KAT2B: variants seen among roughly 807,000 people sequenced by gnomAD.
KAT2B encodes lysine acetyltransferase 2B.
In KAT2B, 36 loss-of-function variants were observed where a neutral mutation model predicts 105.9. The observed-to-expected ratio is 0.34, with a 90% confidence interval of 0.26 to 0.45. The LOEUF is 0.45. Among genes scored for constraint, KAT2B ranks in the 20% least tolerant of loss-of-function variants. The pLI is 1.00. For missense variants in KAT2B, 820 were observed against 1,021.6 expected (o/e 0.80, Z 2.69); for synonymous variants, 397 against 377.9 (o/e 1.05, Z -0.59).
intron 2 of KAT2B, among the ~76,000 whole-genome samples, chr3:20,094,808 C>T (rs1036486579): frequency 5.3e-5 from 8 of 152,122 alleles, no homozygotes; most frequent in Non-Finnish European, 1.2e-4. Context: ...GAGCTCTCCA[C>T]AGGACTTAGA....
chr3:20,058,263 G>T (rs1698034586), intron 1 of KAT2B, among the ~76,000 whole-genome samples: 1 of 151,978 alleles, frequency 6.6e-6, no homozygotes, highest in Non-Finnish European at 1.5e-5. Context: ...TTCAAGACCA[G>T]CCTGGCCAAC....
At chr3:20,116,326 C>T (rs973545878) in intron 7 of KAT2B, among the ~76,000 whole-genome samples, 1 of 152,158 alleles carries the variant, frequency 6.6e-6, no homozygotes, top group Non-Finnish European at 1.5e-5. Flanking sequence ...GCAAACTCTT[C>T]CCTAAGTTCT....
rs545027546 is a variant in KAT2B, at chr3:20,091,693, C to G, written c.431-3570C>G. Among the ~76,000 whole-genome samples the G allele has an allele frequency of 4.6e-5, 7 of 152,008 alleles. No individual in the cohort carries two copies. In the East Asian group the frequency reaches 1.4e-3, roughly 29 times the overall value. ...TGTAAGTTTTGGTATATTGTATTTC[C>G]ACTTCTGTTTGTCTTAAGATATTTT... On this transcript the variant is annotated intron_variant, in intron 2 of 17. Coordinates refer to ENST00000263754, the MANE Select transcript of KAT2B (RefSeq NM_003884.5).
intron 1 of KAT2B, among the ~76,000 whole-genome samples, chr3:20,055,844 C>A (rs1465268825): frequency 6.6e-6 from 1 of 152,166 alleles, no homozygotes; most frequent in Non-Finnish European, 1.5e-5. Context: ...AAGCACTGAT[C>A]TGATTTGTGT....
intron 7 of KAT2B, among the ~76,000 whole-genome samples, chr3:20,115,225 C>T (rs1699184908): frequency 6.6e-6 from 1 of 152,180 alleles, no homozygotes; most frequent in South Asian, 2.1e-4. Flanking sequence ...AAGTTACCAC[C>T]AGGTATAATG....
chr3:20,082,724 T>A (rs1698541553), intron 2 of KAT2B, among the ~76,000 whole-genome samples: 1 of 152,202 alleles, frequency 6.6e-6, no homozygotes. Context: ...CCAACGTAGA[T>A]ATGGCTTTCT....
intron 5 of KAT2B, among the ~76,000 whole-genome samples, chr3:20,107,845 G>A (rs1699049971): frequency 9.5e-6 from 1 of 105,820 alleles, no homozygotes; most frequent in Non-Finnish European, 1.7e-5. Context: ...GTCTTGCTGT[G>A]TTTCCCAGGC....
At chr3:20,126,821 CA>C (rs754659716) in intron 10 of KAT2B, among the ~76,000 whole-genome samples, 1,899 of 85,834 alleles carry the variant, frequency 0.022, 37 homozygotes, top group African/African-American at 0.072. Context: ...AACTCCATTT[CA>C]AAAAAAAAAA....
At chr3:20,141,286 T>A (rs1383179500) in intron 13 of KAT2B, among the ~76,000 whole-genome samples, 2 of 152,062 alleles carry the variant, frequency 1.3e-5, no homozygotes, top group Admixed American at 1.3e-4. Context: ...TGACTTTTTT[T>A]ATGCATATGA....
At chr3:20,074,951 C>T (rs1698391468) in intron 2 of KAT2B, among the ~76,000 whole-genome samples, 1 of 152,164 alleles carries the variant, frequency 6.6e-6, no homozygotes, top group Non-Finnish European at 1.5e-5. Flanking sequence ...AGTATGATCC[C>T]ATTTTATTAC....
In KAT2B at chr3:20,057,847, C is replaced by T. The variant is rs201910873; in HGVS notation, c.304-14486C>T. Reference sequence around the variant, plus strand: ...TTCAGAGAGCCTGCCAAGGGGGTTCCAGACCTTTCAGTCAGCGGGACCTAA... The same window carrying T: ...TTCAGAGAGCCTGCCAAGGGGGTTCTAGACCTTTCAGTCAGCGGGACCTAA... On this transcript the variant is annotated intron_variant, in intron 1 of 17. Transcript: ENST00000263754. Among the ~76,000 whole-genome samples the T allele has an allele frequency of 2.8e-4, 43 of 152,244 alleles. No homozygotes were observed. In the East Asian group the frequency reaches 8.1e-3, roughly 29 times the overall value.
chr3:20,052,928 A>T (rs572717436), intron 1 of KAT2B, among the ~76,000 whole-genome samples: 17 of 152,320 alleles, frequency 1.1e-4, no homozygotes, highest in Admixed American at 9.8e-4. Context: ...GTGAGCTGAG[A>T]TTGCGCCACT....
intron 2 of KAT2B, among the ~76,000 whole-genome samples, chr3:20,080,753 C>T (rs896670796): frequency 3.9e-5 from 6 of 152,034 alleles, no homozygotes; most frequent in East Asian, 1.9e-4. Flanking sequence ...GTGCTGTAAG[C>T]GTGAAATGCA....
rs374072406 is a variant in KAT2B at position 20,122,150 on chromosome 3, T to C, written c.1277-518T>C. ...CAGACAAAAATATCAGTAAGGCTCT[T>C]ACTGATATCCATACAACATGATCTG... On this transcript the variant is annotated intron_variant, in intron 8 of 17. Transcript: ENST00000263754. 1.8e-4 allele frequency among the ~76,000 whole-genome samples: 28 copies of C among 152,304 alleles called. 1 individual carries two copies. Among genetic ancestry groups the C allele is most frequent in the African/African-American group, 4.6e-4 (19 of 41,572 alleles).
rs749392601 is a variant in KAT2B at position 20,122,792 on chromosome 3, G to T, written c.1401G>T (p.Met467Ile). The change falls in exon 9 of 18, where the codon ATG becomes ATT. Residue 467 changes from methionine to isoleucine, a missense_variant. Met to Ile is a conservative substitution (Grantham distance 10). This residue lies in a region of KAT2B where 225 missense variants were observed against 268.1 expected (regional missense o/e 0.84). Coordinates refer to ENST00000263754, the MANE Select transcript of KAT2B (RefSeq NM_003884.5). ...CTACCATCACGGACCCTGCAGCAAT[G>T]CTTGGACCAGAGGTCAGCAGGGTAA... ...VMSTITDPAA[M>I]LGPETNFLSA... The T allele has an allele frequency of 5.6e-6, 9 of 1,612,772 alleles. No individual in the cohort carries two copies. Among genetic ancestry groups the T allele is most frequent in the Non-Finnish European group, 7.6e-6 (9 of 1,179,288 alleles).
intron 5 of KAT2B, among the ~76,000 whole-genome samples, chr3:20,106,975 ATATG>A (rs1412817499): frequency 3.7e-3 from 44 of 12,032 alleles, no homozygotes; most frequent in South Asian, 0.027. Flanking sequence ...ATATATATAT[ATATG>A]TATATATATA....
chr3:20,130,962 T>A (rs2125183512), intron 11 of KAT2B, among the ~76,000 whole-genome samples: 1 of 151,680 alleles, frequency 6.6e-6, no homozygotes, highest in Admixed American at 6.6e-5. Flanking sequence ...AACCAATCTT[T>A]AGTAGAAGTA....
At chr3:20,137,136 C>G (rs1376261887) in intron 12 of KAT2B, 84 bp downstream of exon 12, 1 of 718,556 alleles carries the variant, frequency 1.4e-6, no homozygotes, top group Non-Finnish European at 2.5e-6. Context: ...TAAGTTTCTC[C>G]CCCAGTGTTT....
intron 4 of KAT2B, 40 bp downstream of exon 4, chr3:20,099,994 G>C (rs1220799008): frequency 1.9e-6 from 2 of 1,044,524 alleles, no homozygotes; most frequent in Non-Finnish European, 3.0e-6. Context: ...TTGGCTCAAG[G>C]CTGAAGAAAT....
Sources: allele counts gnomAD v4.1 joint callset (sites outside exome capture counted in the v4.1 genomes callset), GRCh38; gene constraint gnomAD v4.1.1; regional missense constraint gnomAD v4.1.1; transcripts MANE v1.5; gene names NCBI Gene and HGNC (gene_info 2026-07-23, HGNC 2026-07-21).